METTL22: variants seen among roughly 807,000 people sequenced by gnomAD.
METTL22 encodes methyltransferase 22, Kin17 lysine, also known as methyltransferase-like protein 22.
Under a neutral mutation model 48.4 loss-of-function variants are expected in METTL22, and 51 were observed. That is an observed-to-expected ratio of 1.05 (90% CI 0.84 to 1.33). The LOEUF (loss-of-function observed/expected upper bound fraction) is 1.33. Ranked by LOEUF, METTL22 falls within the 40% of genes most tolerant of loss-of-function variation. The pLI is 0.00. For missense variants in METTL22, 678 were observed against 526.9 expected (o/e 1.29, Z -2.81); for synonymous variants, 255 against 214.1 (o/e 1.19, Z -1.67).
At chr16:8,630,113 C>T (rs1003671161) in intron 3 of METTL22, among the ~76,000 whole-genome samples, 31 of 152,166 alleles carry the variant, frequency 2.0e-4, no homozygotes, top group Non-Finnish European at 4.1e-4. Context: ...AAAGGCCTCC[C>T]CCAGCACTGG....
intron 2 of METTL22, among the ~76,000 whole-genome samples, chr16:8,628,383 T>C (rs912533425): frequency 5.3e-5 from 8 of 152,160 alleles, no homozygotes; most frequent in African/African-American, 1.7e-4. Context: ...TTCCTAAAAG[T>C]TGTGTGGCCT....
Position 8,642,414 on chromosome 16 carries a change from G to A in METTL22, c.908-49G>A, listed in dbSNP as rs150338678. ...GGATTGCTCTGAAAAGTCGATTTCT[G>A]TAATATTTGCGTGTTTTCCTCTAAT... On this transcript the variant is annotated intron_variant, in intron 8 of 10. Transcript: ENST00000381920. 5.4e-4 allele frequency: 848 copies of A among 1,563,692 alleles called. 2 individuals carry two copies. In the African/African-American group the frequency reaches 0.01, roughly 19 times the overall value.
At chr16:8,661,417 C>A in the METTL22 span, among the ~76,000 whole-genome samples, 8 of 149,708 alleles carry the variant, frequency 5.3e-5, no homozygotes, top group Non-Finnish European at 1.2e-4. Context: ...GAGGCCAAGG[C>A]GGGCAGATCA....
intron 10 of METTL22, 83 bp from the exon 11 acceptor site, chr16:8,646,025 T>TAGCCTGCTCCG: frequency 1.3e-6 from 2 of 1,599,012 alleles, no homozygotes; most frequent in South Asian, 1.1e-5. Flanking sequence ...ACTACTCTCC[T>TAGCCTGCTCCG]TGGTGAATCA....
At chr16:8,664,222 G>A in the METTL22 span, among the ~76,000 whole-genome samples, 1 of 151,884 alleles carries the variant, frequency 6.6e-6, no homozygotes, top group South Asian at 2.1e-4. Flanking sequence ...CAAGTAAGTG[G>A]AACCACAGAC....
chr16:8,653,310 T>C (rs577109065), downstream of METTL22, among the ~76,000 whole-genome samples: 4 of 152,326 alleles, frequency 2.6e-5, no homozygotes, highest in South Asian at 8.3e-4. Context: ...TAAACTGGAA[T>C]TTTAGGGGGC....
intron 2 of METTL22, among the ~76,000 whole-genome samples, chr16:8,626,761 CTTTTT>C (rs34726811): frequency 1.9e-5 from 1 of 52,532 alleles, no homozygotes; most frequent in Non-Finnish European, 3.2e-5. Flanking sequence ...GTCCTCTACT[CTTTTT>C]TTTTTTTTTT....
intron 10 of METTL22, 80 bp from the exon 11 acceptor site, chr16:8,646,028 G>GCTCCGTGTC: frequency 7.8e-7 from 1 of 1,280,832 alleles, no homozygotes; most frequent in Non-Finnish European, 1.0e-6. Context: ...ACTCTCCTTG[G>GCTCCGTGTC]TGAATCACTT....
chr16:8,661,471 C>A, the METTL22 span, among the ~76,000 whole-genome samples: 1 of 143,336 alleles, frequency 7.0e-6, no homozygotes, highest in African/African-American at 2.6e-5. Flanking sequence ...ATGGTGAAAC[C>A]CCGTCTCTAC....
chr16:8,625,833 A>G (rs748490278), intron 2 of METTL22, 35 bp downstream of exon 2: 3 of 1,609,598 alleles, frequency 1.9e-6, no homozygotes, highest in South Asian at 1.1e-5. Flanking sequence ...TGCGGATCCT[A>G]TTTTGTTTTC....
chr16:8,624,138 C>T (rs2055957460), intron 1 of METTL22: 2 of 152,190 alleles, frequency 1.3e-5, no homozygotes, highest in Admixed American at 6.5e-5. Context: ...CAGGGATCCC[C>T]ACCTGGTCTG....
At chr16:8,656,297 ATG>A in the METTL22 span, among the ~76,000 whole-genome samples, 1 of 152,178 alleles carries the variant, frequency 6.6e-6, no homozygotes, top group African/African-American at 2.4e-5. Context: ...ATTGACATGT[ATG>A]TAGCAGGATG....
chr16:8,634,964 C>T, intron 3 of METTL22, 75 bp from the exon 4 acceptor site: 3 of 1,599,302 alleles, frequency 1.9e-6, no homozygotes, highest in Non-Finnish European at 2.6e-6. Flanking sequence ...GCGGTTGCCA[C>T]ACTGTCCTGT....
chr16:8,660,879 A>T, the METTL22 span, among the ~76,000 whole-genome samples: 18 of 67,512 alleles, frequency 2.7e-4, 3 homozygotes, highest in Middle Eastern at 8.9e-3. Context: ...GAGGAGGAAG[A>T]GGAGGAGGAG....
chr16:8,659,161 T>C, the METTL22 span, among the ~76,000 whole-genome samples: 1 of 152,058 alleles, frequency 6.6e-6, no homozygotes, highest in African/African-American at 2.4e-5. Context: ...TGAAACCCCA[T>C]CTGTACTAAA....
chr16:8,629,375 T>C (rs4985068), intron 3 of METTL22, among the ~76,000 whole-genome samples: 1,908 of 152,250 alleles, frequency 0.013, 47 homozygotes, highest in African/African-American at 0.044. Context: ...TCCCTTAACA[T>C]GTTCCCCATT....
At chr16:8,623,121 C>G (rs1172761094) in intron 1 of METTL22, among the ~76,000 whole-genome samples, 1 of 151,950 alleles carries the variant, frequency 6.6e-6, no homozygotes, top group Non-Finnish European at 1.5e-5. Context: ...CAAGACTAGC[C>G]TGGCCAACAT....
At chr16:8,622,936 C>G (rs1415811666) in intron 1 of METTL22, among the ~76,000 whole-genome samples, 1 of 152,180 alleles carries the variant, frequency 6.6e-6, no homozygotes, top group Non-Finnish European at 1.5e-5. Context: ...TGTGTCTATA[C>G]TTAAAATTTG....
chr16:8,657,926 C>G, the METTL22 span, among the ~76,000 whole-genome samples: 1 of 151,848 alleles, frequency 6.6e-6, no homozygotes, highest in Admixed American at 6.6e-5. Context: ...AAGCTATCCT[C>G]CCATCTCAGT....
Sources: gnomAD v4.1 joint callset for allele counts (sites outside exome capture counted in the v4.1 genomes callset) on GRCh38, gnomAD v4.1.1 for gene constraint, MANE v1.5 for transcripts, NCBI Gene and HGNC (gene_info 2026-07-23, HGNC 2026-07-21) for gene names.